Variants in PCDH15 observed in about 807,000 individuals in gnomAD.
PCDH15 encodes the protein protocadherin-15.
A neutral mutation model predicts 178.5 loss-of-function variants in PCDH15; 129 were observed. That is an observed-to-expected ratio of 0.72 (90% confidence interval 0.63 to 0.84). The LOEUF (loss-of-function observed/expected upper bound fraction) is 0.84. Ranked by LOEUF, PCDH15 falls within the 40% of genes least tolerant of loss-of-function variation. The probability of loss-of-function intolerance (pLI) is 0.00; values close to 1 mark genes in which losing one functional copy is unlikely to be tolerated. For missense variants in PCDH15, 2,230 were observed against 2,099.9 expected, an observed-to-expected ratio of 1.06 and a Z score of -1.21; for synonymous variants, 800 against 732.0, an observed-to-expected ratio of 1.09 and a Z score of -1.50.
intron 2 of PCDH15, among the ~76,000 whole-genome samples, chr10:54,990,376 G>A (rs1232194792): frequency 6.6e-6 from 1 of 152,104 alleles, no homozygotes; most frequent in African/African-American, 2.4e-5. Context: ...TTTAGAAAAT[G>A]TCCCCTAAGC....
At chr10:54,292,653 CA>C (rs1221462287) in intron 8 of PCDH15, among the ~76,000 whole-genome samples, 1 of 152,134 alleles carries the variant, frequency 6.6e-6, no homozygotes, top group Non-Finnish European at 1.5e-5. Flanking sequence ...GTGCAAAAAT[CA>C]CAAGCATTCC....
intron 2 of PCDH15, among the ~76,000 whole-genome samples, chr10:55,074,215 T>C (rs1398841259): frequency 6.6e-6 from 1 of 152,214 alleles, no homozygotes; most frequent in Non-Finnish European, 1.5e-5. Context: ...TATATTCCTT[T>C]GGTTATATAC....
At chr10:54,959,011 C>G (rs1352454651) in intron 2 of PCDH15, among the ~76,000 whole-genome samples, 1 of 151,720 alleles carries the variant, frequency 6.6e-6, no homozygotes, top group Admixed American at 6.6e-5. Flanking sequence ...CTAATGGATG[C>G]CTTTTATTCA....
intron 2 of PCDH15, among the ~76,000 whole-genome samples, chr10:54,557,138 G>T (rs968028229): frequency 6.6e-6 from 1 of 151,932 alleles, no homozygotes; most frequent in Non-Finnish European, 1.5e-5. Flanking sequence ...AATTACAGTG[G>T]GTAATCTTCT....
chr10:54,667,109 G>A (rs1406568804), intron 1 of PCDH15, among the ~76,000 whole-genome samples: 1 of 151,904 alleles, frequency 6.6e-6, no homozygotes, highest in East Asian at 1.9e-4. Context: ...CTGCCCAGAG[G>A]AAGGAGATAA....
chr10:55,528,689 G>A (rs1401415547), intron 2 of PCDH15, among the ~76,000 whole-genome samples: 2 of 152,064 alleles, frequency 1.3e-5, no homozygotes, highest in South Asian at 2.1e-4. Flanking sequence ...ATAAGCATAC[G>A]TGTGCATGTG....
intron 2 of PCDH15, among the ~76,000 whole-genome samples, chr10:55,052,975 G>A (rs1297856121): frequency 6.6e-6 from 1 of 152,106 alleles, no homozygotes; most frequent in South Asian, 2.1e-4. Context: ...GGGAAGGACT[G>A]TCTATAAATG....
chr10:54,469,103 TTTTG>T (rs1158544852), intron 3 of PCDH15, among the ~76,000 whole-genome samples: 6 of 152,116 alleles, frequency 3.9e-5, no homozygotes, highest in Admixed American at 6.6e-5. Flanking sequence ...ATTCATGTCT[TTTTG>T]TTTGTTTGTT....
chr10:53,814,867 G>C (rs1317706342), intron 35 of PCDH15, among the ~76,000 whole-genome samples: 1 of 151,882 alleles, frequency 6.6e-6, no homozygotes, highest in Non-Finnish European at 1.5e-5. Flanking sequence ...GGGAGGCTGA[G>C]GCAGGAGAAT....
intron 1 of PCDH15, among the ~76,000 whole-genome samples, chr10:54,728,774 C>G (rs1170041386): frequency 6.6e-6 from 1 of 151,534 alleles, no homozygotes; most frequent in Non-Finnish European, 1.5e-5. Context: ...CATTTCTATA[C>G]ATCAATAGTG....
intron 20 of PCDH15, among the ~76,000 whole-genome samples, chr10:54,002,408 A>G (rs2135025400): frequency 6.6e-6 from 1 of 152,242 alleles, no homozygotes. Flanking sequence ...TCCTCAGCAC[A>G]TGGATCATTC....
chr10:54,961,482 T>G lies in PCDH15; in HGVS notation c.-79-63982A>C, dbSNP rs556266418. 3.5e-4 allele frequency among the ~76,000 whole-genome samples: 53 copies of G among 152,350 alleles called. 1 individual carries two copies. Among genetic ancestry groups the G allele is most frequent in the Admixed American group, 9.8e-4 (15 of 15,310 alleles). On this transcript the variant is annotated intron_variant, in intron 2 of 5. Coordinates refer to the PCDH15 transcript ENST00000458638. Reference sequence around the variant, plus strand: ...TTCAAGCCAGGAATGGCTTGAGGCCTAGGGGCTAGGCTACCAGTTCTGGAG... The same window carrying G: ...TTCAAGCCAGGAATGGCTTGAGGCCGAGGGGCTAGGCTACCAGTTCTGGAG...
chr10:55,203,326 A>G lies in PCDH15; in HGVS notation c.-155-36675T>C, dbSNP rs563309304. On this transcript the variant is annotated intron_variant, in intron 1 of 5. Transcript: ENST00000458638. ...TTATTATTATTATTACTATTATTAT[A>G]ACAATATTATGAGTTCTGATATCTC... 3.4e-4 allele frequency among the ~76,000 whole-genome samples: 51 copies of G among 152,192 alleles called. 1 individual carries two copies. The highest frequency in any genetic ancestry group is 5.7e-4 in the Non-Finnish European group (39 of 68,022).
intron 26 of PCDH15, among the ~76,000 whole-genome samples, chr10:53,881,086 T>G (rs1418837317): frequency 1.3e-5 from 2 of 152,206 alleles, no homozygotes; most frequent in Non-Finnish European, 2.9e-5. Flanking sequence ...TGATGTATTT[T>G]GTGTCATGAG....
At chr10:54,620,440 A>G (rs1731808041) in intron 2 of PCDH15, among the ~76,000 whole-genome samples, 1 of 152,022 alleles carries the variant, frequency 6.6e-6, no homozygotes, top group Non-Finnish European at 1.5e-5. Context: ...TGAAGCTTTC[A>G]GGGGAAATGA....
intron 25 of PCDH15, among the ~76,000 whole-genome samples, chr10:53,917,480 C>T (rs2083622529): frequency 6.6e-6 from 1 of 152,014 alleles, no homozygotes; most frequent in African/African-American, 2.4e-5. Context: ...AACAGAAAAA[C>T]AATCAAAGAT....
intron 3 of PCDH15, among the ~76,000 whole-genome samples, chr10:54,489,295 C>T (rs1171948054): frequency 6.6e-6 from 1 of 152,056 alleles, no homozygotes; most frequent in Non-Finnish European, 1.5e-5. Context: ...ACATTTTCTT[C>T]TCAAAATTAA....
chr10:55,596,352 A>G (rs1261075337), intron 2 of PCDH15, among the ~76,000 whole-genome samples: 1 of 152,110 alleles, frequency 6.6e-6, no homozygotes, highest in East Asian at 1.9e-4. Context: ...AAATTTTCAA[A>G]CAGGGCTGAG....
chr10:53,975,095 G>A (rs761278639), intron 21 of PCDH15, among the ~76,000 whole-genome samples: 1 of 152,046 alleles, frequency 6.6e-6, no homozygotes, highest in Non-Finnish European at 1.5e-5. Flanking sequence ...CATCAATATT[G>A]CTGCAAAGGG....
Sources: allele counts gnomAD v4.1 joint callset (sites outside exome capture counted in the v4.1 genomes callset), GRCh38; gene constraint gnomAD v4.1.1; transcripts MANE v1.5; gene names NCBI Gene and HGNC (gene_info 2026-07-23, HGNC 2026-07-21).